The following PRDM5 variants were observed in gnomAD, a reference collection of about 807,000 sequenced individuals.
PRDM5 encodes the protein PR/SET domain 5.
In PRDM5, 56 loss-of-function variants were observed where a neutral mutation model predicts 81.2. The ratio of observed to expected loss-of-function variants is 0.69; its 90% CI spans 0.56 to 0.86. PRDM5 has a LOEUF of 0.86. Among genes scored for constraint, PRDM5 ranks in the 40% least tolerant of loss-of-function variants. The pLI is 0.00. For synonymous variants in PRDM5, 267 were observed against 256.4 expected (o/e 1.04, Z -0.39); for missense variants, 697 against 770.1 (o/e 0.91, Z 1.12).
At chr4:120,770,303 A>T (rs1369331721) in intron 13 of PRDM5, among the ~76,000 whole-genome samples, 1 of 152,150 alleles carries the variant, frequency 6.6e-6, no homozygotes, top group Non-Finnish European at 1.5e-5. Context: ...TGCTGAGATT[A>T]CAGGCGTGAG....
At chr4:120,749,204 CAA>C (rs112490419) in intron 14 of PRDM5, among the ~76,000 whole-genome samples, 9 of 141,272 alleles carry the variant, frequency 6.4e-5, no homozygotes, top group African/African-American at 2.0e-4. Context: ...AACTAAATGT[CAA>C]AAAAAAAAAA....
intron 9 of PRDM5, 116 bp downstream of exon 9, chr4:120,799,545 T>C (rs765962433): frequency 1.9e-5 from 28 of 1,466,972 alleles, no homozygotes; most frequent in Admixed American, 1.2e-4. Flanking sequence ...CTACTAAAGG[T>C]CCAAAGCAGA....
At chr4:120,772,075 C>T (rs1747373912) in intron 13 of PRDM5, among the ~76,000 whole-genome samples, 1 of 152,090 alleles carries the variant, frequency 6.6e-6, no homozygotes, top group Non-Finnish European at 1.5e-5. Flanking sequence ...AGCCAGCTGT[C>T]CCAAAGCCCC....
intron 2 of PRDM5, among the ~76,000 whole-genome samples, chr4:120,854,776 A>G (rs1176648908): frequency 6.6e-6 from 1 of 152,128 alleles, no homozygotes; most frequent in East Asian, 1.9e-4. Flanking sequence ...CCATGAGGCC[A>G]TCAGGAAAAG....
At chr4:120,893,850 C>A (rs1427690746) in intron 2 of PRDM5, among the ~76,000 whole-genome samples, 2 of 152,244 alleles carry the variant, frequency 1.3e-5, no homozygotes, top group Middle Eastern at 3.4e-3. Context: ...TAAGGTTAAA[C>A]CTAATTTCAT....
At chr4:120,806,791 A>G (rs1255261805) in intron 8 of PRDM5, among the ~76,000 whole-genome samples, 1 of 152,230 alleles carries the variant, frequency 6.6e-6, no homozygotes, top group Non-Finnish European at 1.5e-5. Context: ...AGGCATGGGC[A>G]AGGACTTCAT....
At chr4:120,849,267 A>G (rs1301370643) in intron 3 of PRDM5, among the ~76,000 whole-genome samples, 1 of 152,168 alleles carries the variant, frequency 6.6e-6, no homozygotes. Flanking sequence ...GTGATTTTCC[A>G]GCTCTGTCAT....
At chr4:120,759,826 A>G (rs1007944716) in intron 13 of PRDM5, among the ~76,000 whole-genome samples, 3 of 152,226 alleles carry the variant, frequency 2.0e-5, no homozygotes, top group African/African-American at 7.2e-5. Context: ...TCTAACTAAC[A>G]TGTAAATTAA....
At position 120,901,692 on chromosome 4, in the gene PRDM5, A is replaced by G. The variant is rs182238254; in HGVS notation, c.177+5782T>C. On this transcript the variant is annotated intron_variant, in intron 2 of 15. Coordinates refer to ENST00000264808, the MANE Select transcript of PRDM5 (RefSeq NM_018699.4). ...AAGTTATGGATGATATAATGTATTT[A>G]AGTAAAAGAGGCTTAAATTTTTCCT... is the stretch of plus-strand genomic sequence containing the variant. 3.7e-4 allele frequency among the ~76,000 whole-genome samples: 57 copies of G among 152,372 alleles called. No individual in the cohort carries two copies. In the East Asian group the frequency reaches 6.2e-3, roughly 16 times the overall value.
intron 14 of PRDM5, among the ~76,000 whole-genome samples, chr4:120,733,506 T>A (rs1357607346): frequency 6.6e-6 from 1 of 152,174 alleles, no homozygotes; most frequent in East Asian, 1.9e-4. Context: ...CTGATCCAAT[T>A]CAGACTTCCT....
intron 3 of PRDM5, among the ~76,000 whole-genome samples, chr4:120,842,116 A>G (rs1211589388): frequency 6.6e-6 from 1 of 152,208 alleles, no homozygotes; most frequent in African/African-American, 2.4e-5. Context: ...TATCTGAATT[A>G]AAGGTTCTGC....
intron 15 of PRDM5, among the ~76,000 whole-genome samples, chr4:120,705,560 G>A (rs770159552): frequency 6.6e-6 from 1 of 152,212 alleles, no homozygotes; most frequent in East Asian, 1.9e-4. Context: ...AAGAGGCCAT[G>A]TGACCAGAGT....
chr4:120,841,928 A>T (rs1758081273), intron 3 of PRDM5, among the ~76,000 whole-genome samples: 1 of 152,224 alleles, frequency 6.6e-6, no homozygotes, highest in African/African-American at 2.4e-5. Context: ...TTAGTGCAAT[A>T]TTGATTAATT....
intron 2 of PRDM5, among the ~76,000 whole-genome samples, chr4:120,855,470 C>T (rs1759768513): frequency 6.6e-6 from 1 of 152,148 alleles, no homozygotes; most frequent in Admixed American, 6.5e-5. Flanking sequence ...GTTCTGCCTC[C>T]CTACTTACAC....
At chr4:120,848,957 C>CT (rs1384080228) in intron 3 of PRDM5, among the ~76,000 whole-genome samples, 6 of 152,036 alleles carry the variant, frequency 3.9e-5, no homozygotes, top group Non-Finnish European at 4.4e-5. Context: ...CACTAGACAG[C>CT]TGTACTTTAT....
intron 15 of PRDM5, among the ~76,000 whole-genome samples, chr4:120,707,771 C>A (rs1030746823): frequency 3.3e-5 from 5 of 151,914 alleles, no homozygotes; most frequent in African/African-American, 1.2e-4. Flanking sequence ...AAAATATTTG[C>A]ATGTCATATA....
At chr4:120,892,624 T>G (rs1764178420) in intron 2 of PRDM5, among the ~76,000 whole-genome samples, 1 of 152,196 alleles carries the variant, frequency 6.6e-6, no homozygotes, top group Admixed American at 6.5e-5. Flanking sequence ...GCCCATAGAA[T>G]TTAGGCAGAA....
chr4:120,767,565 A>C (rs1462750441), intron 13 of PRDM5, among the ~76,000 whole-genome samples: 1 of 152,236 alleles, frequency 6.6e-6, no homozygotes, highest in African/African-American at 2.4e-5. Flanking sequence ...TAAAAATCTC[A>C]TCACATTGCA....
intron 10 of PRDM5, among the ~76,000 whole-genome samples, chr4:120,785,640 A>G (rs1234298848): frequency 1.3e-5 from 2 of 152,184 alleles, no homozygotes; most frequent in Non-Finnish European, 2.9e-5. Flanking sequence ...TTCATTAAAT[A>G]TTTAATTTGT....
Sources: allele counts gnomAD v4.1 joint callset (sites outside exome capture counted in the v4.1 genomes callset), GRCh38; gene constraint gnomAD v4.1.1; transcripts MANE v1.5; gene names NCBI Gene and HGNC (gene_info 2026-07-23, HGNC 2026-07-21).